The following BACH2 variants were observed in gnomAD, a reference collection of about 807,000 sequenced individuals.
BACH2 encodes transcription regulator protein BACH2.
Under a neutral mutation model 61.8 loss-of-function variants are expected in BACH2, and 5 were observed. The observed-to-expected ratio is 0.08, with a 90% CI of 0.04 to 0.17. The LOEUF (loss-of-function observed/expected upper bound fraction) is 0.17. Among genes scored for constraint, BACH2 ranks in the 10% least tolerant of loss-of-function variants. The pLI, the probability that BACH2 is intolerant of heterozygous loss-of-function variation, is 1.00. For synonymous variants in BACH2, 446 were observed against 440.1 expected, an observed-to-expected ratio of 1.01 and a Z score of -0.17; for missense variants, 824 against 1,091.1, an observed-to-expected ratio of 0.76 and a Z score of 3.45.
At chr6:90,213,768 T>C (rs1386586900) in intron 3 of BACH2, among the ~76,000 whole-genome samples, 2 of 152,204 alleles carry the variant, frequency 1.3e-5, no homozygotes, top group Non-Finnish European at 2.9e-5. Flanking sequence ...CTTACATACA[T>C]ACAGTAGGCA....
At chr6:90,172,305 CAAAAA>C (rs10713693) in intron 4 of BACH2, among the ~76,000 whole-genome samples, 1 of 83,604 alleles carries the variant, frequency 1.2e-5, no homozygotes, top group African/African-American at 3.8e-5. Flanking sequence ...GACTCCATCT[CAAAAA>C]AAAAAAAAAA....
intron 6 of BACH2, among the ~76,000 whole-genome samples, chr6:90,005,692 A>T (rs2127779588): frequency 6.6e-6 from 1 of 152,360 alleles, no homozygotes; most frequent in African/African-American, 2.4e-5. Context: ...AAACAATGAC[A>T]GAGCCTCAAA....
intron 5 of BACH2, among the ~76,000 whole-genome samples, chr6:90,073,535 A>G (rs1428050559): frequency 1.3e-5 from 2 of 152,186 alleles, no homozygotes; most frequent in Non-Finnish European, 2.9e-5. Context: ...GGTTAATACT[A>G]AGTCAGCTCA....
At chr6:90,226,711 A>G (rs1769927830) in intron 3 of BACH2, among the ~76,000 whole-genome samples, 1 of 151,780 alleles carries the variant, frequency 6.6e-6, no homozygotes, top group Admixed American at 6.6e-5. Flanking sequence ...TTTTTTTTTA[A>G]GAGGCAGGGT....
At position 90,059,319 on chromosome 6, in the gene BACH2, T is replaced by C. The variant is rs1780553241; in HGVS notation, c.-13+29642A>G. ...CCCATCAACAAGTGGGCAAAGGATA[T>C]GAACAGACACTTCTCAAAAGAAGAC... On this transcript the variant is annotated intron_variant, in intron 5 of 8. Coordinates refer to ENST00000257749, the MANE Select transcript of BACH2 (RefSeq NM_021813.4). Among the ~76,000 whole-genome samples the C allele has an allele frequency of 2.0e-5, 3 of 152,296 alleles. No individual in the cohort carries two copies. In the South Asian group the frequency reaches 6.2e-4, roughly 32 times the overall value.
At chr6:90,038,647 C>T (rs533883228) in intron 5 of BACH2, among the ~76,000 whole-genome samples, 3 of 152,268 alleles carry the variant, frequency 2.0e-5, no homozygotes, top group African/African-American at 7.2e-5. Flanking sequence ...CTAGAGGCCA[C>T]GAGTGTCTCT....
chr6:90,291,264 G>A (rs955313768), intron 1 of BACH2, among the ~76,000 whole-genome samples: 2 of 152,042 alleles, frequency 1.3e-5, no homozygotes, highest in African/African-American at 2.4e-5. Flanking sequence ...GGATTGGGAA[G>A]ATTTATTATT....
chr6:89,936,766 A>T (rs1773051547), intron 8 of BACH2, among the ~76,000 whole-genome samples: 1 of 152,196 alleles, frequency 6.6e-6, no homozygotes, highest in Non-Finnish European at 1.5e-5. Context: ...TATCTTGATA[A>T]CATATAACAT....
At chr6:89,995,204 CAAG>C (rs1562354071) in intron 6 of BACH2, among the ~76,000 whole-genome samples, 1 of 152,142 alleles carries the variant, frequency 6.6e-6, no homozygotes, top group Non-Finnish European at 1.5e-5. Flanking sequence ...ATCAGGCCTG[CAAG>C]AAGTTGTCCT....
chr6:90,050,255 G>C (rs1490984626), intron 5 of BACH2, among the ~76,000 whole-genome samples: 1 of 152,174 alleles, frequency 6.6e-6, no homozygotes, highest in East Asian at 1.9e-4. Flanking sequence ...CTTGGTAAAA[G>C]ATTTGATGTG....
intron 5 of BACH2, among the ~76,000 whole-genome samples, chr6:90,033,691 G>A (rs1264528637): frequency 2.0e-5 from 3 of 151,864 alleles, no homozygotes; most frequent in Non-Finnish European, 2.9e-5. Context: ...AGAAAAAGAT[G>A]CTCACCTGTT....
At chr6:90,117,992 A>G (rs1030423944) in intron 4 of BACH2, among the ~76,000 whole-genome samples, 11 of 152,284 alleles carry the variant, frequency 7.2e-5, no homozygotes, top group African/African-American at 2.4e-4. Context: ...TAACTTATAA[A>G]GTATTCTGCA....
chr6:89,979,224 A>C (rs1775820280), intron 6 of BACH2, among the ~76,000 whole-genome samples: 1 of 152,176 alleles, frequency 6.6e-6, no homozygotes, highest in South Asian at 2.1e-4. Flanking sequence ...ATCTGGTTTC[A>C]ATCCTTCCTC....
chr6:90,190,571 C>A (rs1287632606), intron 4 of BACH2, among the ~76,000 whole-genome samples: 1 of 152,212 alleles, frequency 6.6e-6, no homozygotes, highest in Non-Finnish European at 1.5e-5. Context: ...CATTTATTTT[C>A]TCAACTATCT....
chr6:90,065,429 C>T (rs988426783), intron 5 of BACH2, among the ~76,000 whole-genome samples: 180 of 151,964 alleles, frequency 1.2e-3, no homozygotes, highest in African/African-American at 4.0e-3. Flanking sequence ...GGGTAACAAC[C>T]TTTTTCTTAA....
chr6:90,086,308 C>T (rs1426497002), intron 5 of BACH2, among the ~76,000 whole-genome samples: 1 of 152,174 alleles, frequency 6.6e-6, no homozygotes, highest in East Asian at 1.9e-4. Context: ...GTACACACAT[C>T]TATCTGCTCA....
intron 4 of BACH2, among the ~76,000 whole-genome samples, chr6:90,164,788 T>C (rs1278867516): frequency 3.3e-5 from 5 of 152,242 alleles, no homozygotes; most frequent in Admixed American, 2.6e-4. Context: ...TAATCCAGCA[T>C]ATAAACAGAG....
At chr6:89,969,962 G>C (rs1295550341) in intron 6 of BACH2, among the ~76,000 whole-genome samples, 1 of 152,110 alleles carries the variant, frequency 6.6e-6, no homozygotes, top group Non-Finnish European at 1.5e-5. Context: ...TGGGGGTTGG[G>C]GGATGACTGT....
chr6:90,056,035 C>T (rs1463031523), intron 5 of BACH2, among the ~76,000 whole-genome samples: 2 of 152,174 alleles, frequency 1.3e-5, no homozygotes, highest in African/African-American at 2.4e-5. Context: ...TTGTAAAGAC[C>T]ATCAAGGCTA....
Sources: gnomAD v4.1 joint callset for allele counts (sites outside exome capture counted in the v4.1 genomes callset) on GRCh38, gnomAD v4.1.1 for gene constraint, MANE v1.5 for transcripts, NCBI Gene and HGNC (gene_info 2026-07-23, HGNC 2026-07-21) for gene names.